FMN1: variants seen among roughly 807,000 people sequenced by gnomAD.
FMN1 encodes the protein formin-1.
Under a neutral mutation model 132.4 loss-of-function variants are expected in FMN1, and 110 were observed. The ratio of observed to expected loss-of-function variants is 0.83; its 90% CI spans 0.71 to 0.97. FMN1 has a LOEUF of 0.97. FMN1 is among the 50% of genes least tolerant of loss of function. The pLI, the probability that FMN1 is intolerant of heterozygous loss-of-function variation, is 0.00. For missense variants in FMN1, 1,792 were observed against 1,705.3 expected (o/e 1.05, Z -0.90); for synonymous variants, 722 against 651.7 (o/e 1.11, Z -1.64).
At chr15:32,866,991 A>G (rs1437300136) in intron 16 of FMN1, among the ~76,000 whole-genome samples, 1 of 152,112 alleles carries the variant, frequency 6.6e-6, no homozygotes, top group East Asian at 1.9e-4. Flanking sequence ...CTCCCATGCT[A>G]TGCTCTCTGT....
intron 6 of FMN1, among the ~76,000 whole-genome samples, chr15:33,019,676 A>C (rs1047005982): frequency 6.6e-6 from 1 of 152,214 alleles, no homozygotes; most frequent in South Asian, 2.1e-4. Context: ...CCAGTGGGCC[A>C]GCACTGCTGG....
At chr15:32,792,612 A>G (rs1303709807) in intron 19 of FMN1, among the ~76,000 whole-genome samples, 3 of 152,204 alleles carry the variant, frequency 2.0e-5, no homozygotes, top group Non-Finnish European at 4.4e-5. Flanking sequence ...ATGAGTCTTT[A>G]GCAGGGACAT....
At chr15:32,808,020 T>A (rs74011836) in intron 17 of FMN1, among the ~76,000 whole-genome samples, 4,365 of 152,306 alleles carry the variant, frequency 0.029, 208 homozygotes, top group African/African-American at 0.1. Flanking sequence ...GGAAGAACCA[T>A]GTTTAAAGAC....
chr15:32,795,438 G>A (rs1256066049), intron 19 of FMN1, among the ~76,000 whole-genome samples: 3 of 152,050 alleles, frequency 2.0e-5, no homozygotes, highest in Non-Finnish European at 4.4e-5. Flanking sequence ...AATTAGAACC[G>A]CAGTTTCTAG....
At chr15:32,834,418 C>G (rs769761243) in intron 17 of FMN1, among the ~76,000 whole-genome samples, 1 of 152,168 alleles carries the variant, frequency 6.6e-6, no homozygotes, top group Non-Finnish European at 1.5e-5. Context: ...TTCCACCCTA[C>G]GTTAGCTCTG....
At chr15:32,812,441 C>G (rs181969021) in intron 17 of FMN1, among the ~76,000 whole-genome samples, 1 of 152,176 alleles carries the variant, frequency 6.6e-6, no homozygotes, top group East Asian at 1.9e-4. Flanking sequence ...TAATGTAATA[C>G]ATTGGGGATG....
chr15:32,850,681 A>C (rs1160123581), intron 17 of FMN1, among the ~76,000 whole-genome samples: 1 of 152,218 alleles, frequency 6.6e-6, no homozygotes, highest in Non-Finnish European at 1.5e-5. Flanking sequence ...GACAAAACAG[A>C]CACAGTCCCA....
intron 4 of FMN1, among the ~76,000 whole-genome samples, chr15:33,126,699 G>A (rs1963111618): frequency 7.5e-6 from 1 of 133,892 alleles, no homozygotes; most frequent in Non-Finnish European, 1.7e-5. Context: ...GGAAGCGAAG[G>A]CAATAAAAGA....
intron 6 of FMN1, among the ~76,000 whole-genome samples, chr15:33,035,298 C>G (rs993239747): frequency 3.3e-5 from 5 of 152,140 alleles, no homozygotes; most frequent in African/African-American, 1.2e-4. Context: ...CATAGTCTAT[C>G]TATATTCATG....
chr15:33,030,015 G>A (rs954386865), intron 6 of FMN1, among the ~76,000 whole-genome samples: 1 of 152,114 alleles, frequency 6.6e-6, no homozygotes, highest in African/African-American at 2.4e-5. Context: ...AAAAATAGCT[G>A]GGCGTGGTGG....
At chr15:32,958,696 T>C (rs986995274) in intron 9 of FMN1, among the ~76,000 whole-genome samples, 5 of 152,168 alleles carry the variant, frequency 3.3e-5, no homozygotes, top group Non-Finnish European at 7.3e-5. Flanking sequence ...TGTCCATTAC[T>C]TCTGAAATAC....
At chr15:32,868,459 T>C (rs2059443132) in intron 16 of FMN1, among the ~76,000 whole-genome samples, 1 of 152,202 alleles carries the variant, frequency 6.6e-6, no homozygotes. Context: ...TGAAGTAGGC[T>C]ACACCATCTA....
intron 10 of FMN1, among the ~76,000 whole-genome samples, chr15:32,918,154 G>T (rs1047378205): frequency 2.0e-5 from 3 of 151,500 alleles, no homozygotes; most frequent in African/African-American, 7.3e-5. Context: ...CCTTAAATAA[G>T]AAGAAAATAA....
intron 4 of FMN1, among the ~76,000 whole-genome samples, chr15:33,099,183 C>T (rs2039198968): frequency 6.6e-6 from 1 of 152,078 alleles, no homozygotes; most frequent in African/African-American, 2.4e-5. Context: ...CTCAGCTACT[C>T]TGGAGGCTGA....
intron 6 of FMN1, among the ~76,000 whole-genome samples, chr15:33,021,333 A>C (rs79382698): frequency 0.057 from 8,639 of 150,404 alleles, 274 homozygotes; most frequent in South Asian, 0.11. Context: ...GCAATAGCTG[A>C]TGAATACACT....
chr15:33,114,358 T>G (rs552521126), intron 4 of FMN1, among the ~76,000 whole-genome samples: 2 of 152,346 alleles, frequency 1.3e-5, no homozygotes, highest in African/African-American at 4.8e-5. Flanking sequence ...AATTGGCCTC[T>G]GGCTGCCTGA....
chr15:32,939,006 G>A (rs1426977633), intron 9 of FMN1, among the ~76,000 whole-genome samples: 3 of 152,172 alleles, frequency 2.0e-5, no homozygotes, highest in Admixed American at 6.6e-5. Flanking sequence ...AAAGGGAAGA[G>A]GGAATAGAAC....
At chr15:33,143,741 G>A (rs2444973) in intron 4 of FMN1, among the ~76,000 whole-genome samples, 70,909 of 151,940 alleles carry the variant, frequency 0.47, 16,852 homozygotes, top group East Asian at 0.68. Context: ...TTGGAAGGTT[G>A]TTTTTAATTA....
chr15:33,154,148 G>A lies in FMN1; in HGVS notation c.767C>T (p.Ala256Val). The change falls in exon 4 of 21, where the codon GCT (alanine) becomes GTT (valine). Residue 256 changes from alanine (A) to valine (V), a missense_variant. Transcript: ENST00000616417. ...TDLGFGSFET[A>V]FKDTGLGREV... is the part of the protein sequence containing the mutation. ...TCTTCCAAGCCCAGTGTCCTTGAAA[G>A]CCGTCTCAAAGCTCCCAAAGCCAAG... The A allele has an allele frequency of 2.0e-6, 3 of 1,536,406 alleles. No homozygotes were observed. The highest frequency in any genetic ancestry group is 2.6e-6 in the Non-Finnish European group (3 of 1,146,986).
Sources: allele counts gnomAD v4.1 joint callset (sites outside exome capture counted in the v4.1 genomes callset), GRCh38; gene constraint gnomAD v4.1.1; transcripts MANE v1.5; gene names NCBI Gene and HGNC (gene_info 2026-07-23, HGNC 2026-07-21).